GPATCH2: variants seen among roughly 807,000 people sequenced by gnomAD.
The protein encoded by GPATCH2 is G-patch domain containing 2, also known as G patch domain-containing protein 2.
In GPATCH2, 51 loss-of-function variants were observed where a neutral mutation model predicts 58.0. The ratio of observed to expected loss-of-function variants is 0.88; its 90% CI spans 0.70 to 1.11. GPATCH2 has a LOEUF of 1.11. Among genes scored for constraint, GPATCH2 ranks in the 50% most tolerant of loss-of-function variants. The probability of loss-of-function intolerance (pLI) is 0.00; values close to 1 mark genes in which losing one functional copy is unlikely to be tolerated. For synonymous variants in GPATCH2, 222 were observed against 218.5 expected, an observed-to-expected ratio of 1.02 and a Z score of -0.14; for missense variants, 625 against 652.2, an observed-to-expected ratio of 0.96 and a Z score of 0.45.
chr1:217,462,803 G>T (rs536348105), intron 8 of GPATCH2, among the ~76,000 whole-genome samples: 10 of 152,304 alleles, frequency 6.6e-5, no homozygotes, highest in South Asian at 2.1e-4. Context: ...TTGTGAGGCA[G>T]AAGAGCACAG....
At chr1:217,626,534 C>T (rs976982356) in intron 1 of GPATCH2, among the ~76,000 whole-genome samples, 7 of 152,072 alleles carry the variant, frequency 4.6e-5, no homozygotes, top group African/African-American at 1.2e-4. Context: ...CTTCAAGATG[C>T]CACATCAAGG....
intron 5 of GPATCH2, among the ~76,000 whole-genome samples, chr1:217,591,325 A>G: frequency 6.6e-6 from 1 of 152,036 alleles, no homozygotes; most frequent in East Asian, 1.9e-4. Context: ...GTGTGTGCGT[A>G]AGACTAATGG....
intron 7 of GPATCH2, among the ~76,000 whole-genome samples, chr1:217,493,084 T>C (rs932188379): frequency 5.9e-5 from 9 of 152,148 alleles, no homozygotes. Context: ...TATCTACTTC[T>C]TTTCATCCCC....
At chr1:217,489,912 T>A (rs556020411) in intron 8 of GPATCH2, among the ~76,000 whole-genome samples, 21 of 152,306 alleles carry the variant, frequency 1.4e-4, no homozygotes, top group South Asian at 1.0e-3. Flanking sequence ...AAATTTTTTT[T>A]AAAAAGTCCT....
At chr1:217,433,788 C>T (rs369389619) in intron 9 of GPATCH2, among the ~76,000 whole-genome samples, 4 of 152,296 alleles carry the variant, frequency 2.6e-5, no homozygotes, top group African/African-American at 4.8e-5. Flanking sequence ...ATTGAACCAA[C>T]GGTGTATATT....
intron 5 of GPATCH2, among the ~76,000 whole-genome samples, chr1:217,551,494 GA>G (rs1191284543): frequency 2.6e-5 from 4 of 152,014 alleles, no homozygotes; most frequent in Admixed American, 2.0e-4. Context: ...TAGTACAGTT[GA>G]ATACCACCCA....
intron 5 of GPATCH2, among the ~76,000 whole-genome samples, chr1:217,521,974 C>G (rs575631272): frequency 6.6e-6 from 1 of 152,068 alleles, no homozygotes; most frequent in African/African-American, 2.4e-5. Flanking sequence ...TCGAAGCGAT[C>G]TCACTATATT....
intron 5 of GPATCH2, among the ~76,000 whole-genome samples, chr1:217,522,553 G>C (rs1012184768): frequency 6.6e-6 from 1 of 152,018 alleles, no homozygotes; most frequent in Non-Finnish European, 1.5e-5. Context: ...AGAAAGTAAG[G>C]ATATGGCCAC....
intron 8 of GPATCH2, among the ~76,000 whole-genome samples, chr1:217,473,381 C>G (rs1461456001): frequency 2.7e-5 from 4 of 150,040 alleles, no homozygotes; most frequent in African/African-American, 9.9e-5. Flanking sequence ...CTGTTGATTA[C>G]TAAATATTGA....
At chr1:217,506,295 G>A (rs1418105695) in intron 6 of GPATCH2, among the ~76,000 whole-genome samples, 5 of 152,038 alleles carry the variant, frequency 3.3e-5, no homozygotes, top group East Asian at 1.9e-4. Flanking sequence ...CTTCTATACC[G>A]ACAGTTTCCC....
chr1:217,526,027 T>A (rs534317267), intron 5 of GPATCH2, among the ~76,000 whole-genome samples: 1 of 152,318 alleles, frequency 6.6e-6, no homozygotes, highest in Admixed American at 6.5e-5. Context: ...TTGAACTGGG[T>A]ATTATTTCTA....
chr1:217,609,154 G>A, intron 5 of GPATCH2: 5 of 958,772 alleles, frequency 5.2e-6, no homozygotes, highest in Non-Finnish European at 6.2e-6. Flanking sequence ...GAACTCAAAT[G>A]GCTGAACTTA....
At chr1:217,490,524 T>C (rs1661671070) in intron 8 of GPATCH2, among the ~76,000 whole-genome samples, 1 of 152,222 alleles carries the variant, frequency 6.6e-6, no homozygotes, top group South Asian at 2.1e-4. Flanking sequence ...TCTTTGTCTC[T>C]TAAGTACTCC....
intron 5 of GPATCH2, among the ~76,000 whole-genome samples, chr1:217,539,813 T>G (rs1436073421): frequency 6.6e-6 from 1 of 152,196 alleles, no homozygotes; most frequent in East Asian, 1.9e-4. Flanking sequence ...AGGGCTTCAA[T>G]GCATAGGAAA....
intron 5 of GPATCH2, among the ~76,000 whole-genome samples, chr1:217,566,419 A>C (rs1666237757): frequency 6.6e-6 from 1 of 152,196 alleles, no homozygotes; most frequent in Admixed American, 6.5e-5. Context: ...CTAAAACTGC[A>C]TATGTATCAC....
At chr1:217,504,555 T>C (rs1662459888) in intron 6 of GPATCH2, among the ~76,000 whole-genome samples, 1 of 152,084 alleles carries the variant, frequency 6.6e-6, no homozygotes, top group South Asian at 2.1e-4. Flanking sequence ...ACTCTATAAG[T>C]GTTAGTTGTG....
At chr1:217,595,735 AGTGT>A (rs1667793137) in intron 5 of GPATCH2, among the ~76,000 whole-genome samples, 1 of 152,082 alleles carries the variant, frequency 6.6e-6, no homozygotes. Context: ...CCTGACTTCA[AGTGT>A]TCCACGCATC....
chr1:217,530,701 T>C (rs1486204846), intron 5 of GPATCH2, among the ~76,000 whole-genome samples: 1 of 152,180 alleles, frequency 6.6e-6, no homozygotes, highest in Non-Finnish European at 1.5e-5. Flanking sequence ...ACATATTTAG[T>C]TTACAAAACA....
rs376107041 is a variant in GPATCH2 at position 217,610,965 on chromosome 1, G to A, written c.942C>T (p.Asp314=). The change falls in exon 4 of 10, where the codon GAC becomes GAT. Residue 314 remains aspartate, a synonymous_variant. Transcript: ENST00000366935. ...WWEKEDPTEL[D]KNVPDPVFES... ...CAAAGACAGGATCTGGTACATTTTT[G>A]TCTAGCTCAGTAGGATCTTCCTTTT... The A allele has an allele frequency of 1.2e-5, 19 of 1,613,258 alleles. No homozygotes were observed. The highest frequency in any genetic ancestry group is 1.6e-5 in the Non-Finnish European group (19 of 1,179,520).
Sources: allele counts gnomAD v4.1 joint callset (sites outside exome capture counted in the v4.1 genomes callset), GRCh38; gene constraint gnomAD v4.1.1; transcripts MANE v1.5; gene names NCBI Gene and HGNC (gene_info 2026-07-23, HGNC 2026-07-21).